RPS27L: variants seen among roughly 807,000 people sequenced by gnomAD.
The protein encoded by RPS27L is ribosomal protein S27 like, also known as ribosomal protein eS27-like.
In RPS27L, 10 loss-of-function variants were observed where a neutral mutation model predicts 12.8. The ratio of observed to expected loss-of-function variants is 0.78; its 90% CI spans 0.48 to 1.33. RPS27L has a LOEUF of 1.33. Ranked by LOEUF, RPS27L falls within the 40% of genes most tolerant of loss-of-function variation. The probability of loss-of-function intolerance (pLI) is 0.00; values close to 1 mark genes in which losing one functional copy is unlikely to be tolerated. For missense variants in RPS27L, 81 were observed against 97.4 expected, an observed-to-expected ratio of 0.83 and a Z score of 0.71; for synonymous variants, 26 against 32.3, an observed-to-expected ratio of 0.81 and a Z score of 0.66.
rs754352283 is a variant in RPS27L at position 63,148,493 on chromosome 15, A to G, written c.*5539T>C. 20 of 152,256 alleles carry G rather than the reference A, an allele frequency of 1.3e-4. No individual in the cohort carries two copies. Among genetic ancestry groups the G allele is most frequent in the African/African-American group, 4.1e-4 (17 of 41,470 alleles). The allele number at this position is 152,256 out of a possible 1,614,324, so 9.4% of individuals were successfully genotyped here. On this transcript the variant is annotated 3_prime_UTR_variant, in exon 4 of 4. Transcript: ENST00000330964. ...TAATGAGAAAATTAAAAAGACTTTC[A>G]TAGACACAAAACACTGAGCAGGGCT...
At chr15:63,154,886 C>T (rs2037321836) in intron 3 of RPS27L, 1 of 150,086 alleles carries the variant, frequency 6.7e-6, no homozygotes, top group African/African-American at 2.4e-5. Flanking sequence ...TATATATTAG[C>T]TATCTGTTGC....
In RPS27L at chr15:63,157,454, G is replaced by A. The variant is rs2037340961; in HGVS notation, c.-49C>T. ...CCTACCAGACCTCCCAGCCCACACA[G>A]CTAGCAAGCTGCAAGCGATCTGCGC... On this transcript the variant is annotated 5_prime_UTR_variant, in exon 1 of 4. Coordinates refer to ENST00000330964, the MANE Select transcript of RPS27L (RefSeq NM_015920.4). 6.2e-7 allele frequency: 1 copy of A among 1,610,740 alleles called. No homozygotes were observed. Among genetic ancestry groups the A allele is most frequent in the South Asian group, 1.1e-5 (1 of 91,012 alleles).
intron 3 of RPS27L, 100 bp from the exon 4 acceptor site, chr15:63,154,160 G>C: frequency 3.2e-6 from 3 of 944,374 alleles, no homozygotes; most frequent in Non-Finnish European, 3.4e-6. Context: ...GAAGTTTTAA[G>C]AATATTGGAT....
In RPS27L at chr15:63,157,439, C is replaced by A; in HGVS notation, c.-34G>T. Reference sequence around the variant, plus strand: ...TCTTGCAAGCTCAGCCCTACCAGACCTCCCAGCCCACACAGCTAGCAAGCT... The same window carrying A: ...TCTTGCAAGCTCAGCCCTACCAGACATCCCAGCCCACACAGCTAGCAAGCT... On this transcript the variant is annotated 5_prime_UTR_variant, in exon 1 of 4. The change creates a new upstream start codon in the 5' untranslated region. Transcript: ENST00000330964. The A allele has an allele frequency of 1.2e-6, 2 of 1,613,734 alleles. No individual in the cohort carries two copies. The highest frequency in any genetic ancestry group is 1.7e-6 in the Non-Finnish European group (2 of 1,179,634).
In RPS27L at chr15:63,153,798, T is replaced by C. The variant is rs971497985; in HGVS notation, c.*234A>G. The stretch of plus-strand genomic sequence containing the variant: ...GTTTAAACCAAATTCATATACACCA[T>C]ATATATAAATGTATGGCATACTCAA... On this transcript the variant is annotated 3_prime_UTR_variant, in exon 4 of 4. Coordinates refer to ENST00000330964, the MANE Select transcript of RPS27L (RefSeq NM_015920.4). 4.2e-5 allele frequency: 20 copies of C among 479,398 alleles called. No homozygotes were observed. Among genetic ancestry groups the C allele is most frequent in the African/African-American group, 4.0e-4 (20 of 49,778 alleles). 29.7% of individuals were successfully genotyped at this position (479,398 alleles called of 1,614,324 possible). A position where few individuals can be genotyped will look rare whatever the true frequency, so the allele number is the denominator to read the frequency against.
intron 1 of RPS27L, chr15:63,156,952 G>T: frequency 2.8e-6 from 1 of 357,980 alleles, no homozygotes; most frequent in Non-Finnish European, 5.0e-6. Context: ...GATCTGACAG[G>T]AATTCTTGCT....
chr15:63,157,148 A>G (rs2037337648), intron 1 of RPS27L: 6 of 569,840 alleles, frequency 1.1e-5, no homozygotes, highest in South Asian at 9.9e-5. Context: ...GACCGCTCAT[A>G]AGCTACACAG....
Position 63,157,477 on chromosome 15 carries a change from C to T in RPS27L, c.-72G>A, listed in dbSNP as rs2037341589. 23 of 1,576,536 alleles carry T rather than the reference C, an allele frequency of 1.5e-5. No individual in the cohort carries two copies. Among genetic ancestry groups the T allele is most frequent in the Non-Finnish European group, 2.0e-5 (23 of 1,146,264 alleles). The stretch of plus-strand genomic sequence containing the variant: ...CAGCTAGCAAGCTGCAAGCGATCTG[C>T]GCTCGGCATCAACTTCCGGGATAGA... On this transcript the variant is annotated 5_prime_UTR_variant, in exon 1 of 4. Coordinates refer to ENST00000330964, the MANE Select transcript of RPS27L (RefSeq NM_015920.4).
At position 63,155,876 on chromosome 15, in the gene RPS27L, C is replaced by T. The variant is rs75042153; in HGVS notation, c.116-145G>A. Reference sequence around the variant, plus strand: ...TGTGTAACATAAACTTTTCTAGCAGCGACACAAAATTTTTTAAAAACAGGT... The same window carrying T: ...TGTGTAACATAAACTTTTCTAGCAGTGACACAAAATTTTTTAAAAACAGGT... On this transcript the variant is annotated intron_variant, in intron 2 of 3. Transcript: ENST00000330964. 336 of 434,982 alleles carry T rather than the reference C, an allele frequency of 7.7e-4. 2 individuals are homozygous for T. Among genetic ancestry groups the T allele is most frequent in the African/African-American group, 6.2e-3 (306 of 49,194 alleles). The allele number at this position is 434,982 out of a possible 1,614,324, so 26.9% of individuals were successfully genotyped here.
intron 2 of RPS27L, 113 bp downstream of exon 2, chr15:63,156,300 G>T: frequency 1.7e-6 from 1 of 593,512 alleles, no homozygotes. Context: ...TTCCAATTCT[G>T]TAATCCCACT....
chr15:63,153,858 C>A lies in RPS27L; in HGVS notation c.*174G>T. 1 of 586,944 alleles carries A rather than the reference C, an allele frequency of 1.7e-6. No homozygotes were observed. Among genetic ancestry groups the A allele is most frequent in the Non-Finnish European group, 3.1e-6 (1 of 326,328 alleles). The allele number at this position is 586,944 out of a possible 1,614,324, so 36.4% of individuals were successfully genotyped here. A position where few individuals can be genotyped will look rare whatever the true frequency, so the allele number is the denominator to read the frequency against. On this transcript the variant is annotated 3_prime_UTR_variant, in exon 4 of 4. Transcript: ENST00000330964. ...AAAAAAAGAAAAAGAGGGGATTTGC[C>A]CATAATCAAAACTTTATTGAAAAAC... is the stretch of plus-strand genomic sequence containing the variant.
At chr15:63,157,176 A>C in intron 1 of RPS27L, 1 of 602,580 alleles carries the variant, frequency 1.7e-6, no homozygotes, top group Admixed American at 2.9e-5. Context: ...TTCCCCTCCC[A>C]GCCACCGCCT....
Position 63,157,437 on chromosome 15 carries a change from A to C in RPS27L, c.-32T>G, listed in dbSNP as rs1188424398. Reference sequence around the variant, plus strand: ...CCTCTTGCAAGCTCAGCCCTACCAGACCTCCCAGCCCACACAGCTAGCAAG... The same window carrying C: ...CCTCTTGCAAGCTCAGCCCTACCAGCCCTCCCAGCCCACACAGCTAGCAAG... On this transcript the variant is annotated 5_prime_UTR_variant, in exon 1 of 4. Transcript: ENST00000330964. 3 of 1,613,086 alleles carry C rather than the reference A, an allele frequency of 1.9e-6. No homozygotes were observed. Among genetic ancestry groups the C allele is most frequent in the Non-Finnish European group, 2.5e-6 (3 of 1,179,588 alleles).
chr15:63,151,100 GTA>G lies in RPS27L; in HGVS notation c.*2930_*2931del, dbSNP rs2037296914. The G allele has an allele frequency of 6.6e-6, 1 of 152,108 alleles. No homozygotes were observed. The highest frequency in any genetic ancestry group is 6.6e-5 in the Admixed American group (1 of 15,266). 9.4% of individuals were successfully genotyped at this position (152,108 alleles called of 1,614,324 possible). A position where few individuals can be genotyped will look rare whatever the true frequency, so the allele number is the denominator to read the frequency against. The stretch of plus-strand genomic sequence containing the variant: ...TTTAAAACATTCAGTATATAATAAT[GTA>G]TGTGGCTGACCCTGAAGTTTGGGAA... On this transcript the variant is annotated 3_prime_UTR_variant, in exon 4 of 4. Transcript: ENST00000330964.
chr15:63,156,657 T>G (rs182124528), intron 1 of RPS27L, 136 bp from the exon 2 acceptor site: 51 of 679,094 alleles, frequency 7.5e-5, no homozygotes, highest in Admixed American at 5.6e-4. Flanking sequence ...AGTAAAGTTA[T>G]TTTTCGAAAC....
At position 63,157,111 on chromosome 15, in the gene RPS27L, A is replaced by C. The variant is rs73448361; in HGVS notation, c.6+289T>G. The C allele has an allele frequency of 3.3e-3, 1,609 of 492,100 alleles. 22 individuals carry two copies. The highest frequency in any genetic ancestry group is 0.029 in the African/African-American group (1,421 of 49,808). 30.5% of individuals were successfully genotyped at this position (492,100 alleles called of 1,614,324 possible). A position where few individuals can be genotyped will look rare whatever the true frequency, so the allele number is the denominator to read the frequency against. On this transcript the variant is annotated intron_variant, in intron 1 of 3. Coordinates refer to ENST00000330964, the MANE Select transcript of RPS27L (RefSeq NM_015920.4). ...GAAAGCCAAAAGACCCAAAGATCAC[A>C]ACCTCAGGGGCATCCTCAAAGACCA...
chr15:63,157,442 C>CCAGCCCACA lies in RPS27L; in HGVS notation c.-46_-38dup. 6.2e-7 allele frequency: 1 copy of CCAGCCCACA among 1,613,506 alleles called. No individual in the cohort carries two copies. The highest frequency in any genetic ancestry group is 1.3e-5 in the African/African-American group (1 of 75,062). ...TGCAAGCTCAGCCCTACCAGACCTC[C>CCAGCCCACA]CAGCCCACACAGCTAGCAAGCTGCA... On this transcript the variant is annotated 5_prime_UTR_variant, in exon 1 of 4. Transcript: ENST00000330964.
intron 2 of RPS27L, among the ~76,000 whole-genome samples, chr15:63,155,959 A>G (rs1336471683): frequency 1.3e-5 from 2 of 152,206 alleles, no homozygotes; most frequent in African/African-American, 4.8e-5. Context: ...TTCAACATGT[A>G]ATCAATGTAT....
At position 63,153,818 on chromosome 15, in the gene RPS27L, A is replaced by G. The variant is rs117272896; in HGVS notation, c.*214T>C. On this transcript the variant is annotated 3_prime_UTR_variant, in exon 4 of 4. Transcript: ENST00000330964. ...CACCATATATATAAATGTATGGCAT[A>G]CTCAAATATATTTTAAAAAAAGAAA... The G allele has an allele frequency of 1.5e-3, 805 of 553,774 alleles. 6 individuals are homozygous for G. The East Asian group carries it at 0.016, about 11-fold the overall frequency. 34.3% of individuals were successfully genotyped at this position (553,774 alleles called of 1,614,324 possible).
Sources: allele counts gnomAD v4.1 joint callset (sites outside exome capture counted in the v4.1 genomes callset), GRCh38; gene constraint gnomAD v4.1.1; transcripts MANE v1.5; gene names NCBI Gene and HGNC (gene_info 2026-07-23, HGNC 2026-07-21).